EXOG: variants seen among roughly 807,000 people sequenced by gnomAD.
EXOG encodes nuclease EXOG, mitochondrial.
EXOG carries 27 observed loss-of-function variants against 25.8 expected under a neutral mutation model. The observed-to-expected ratio is 1.05, with a 90% CI of 0.77 to 1.45. EXOG has a LOEUF of 1.45. Among genes scored for constraint, EXOG ranks in the 40% most tolerant of loss-of-function variants. The pLI is 0.00. For missense variants in EXOG, 458 were observed against 450.5 expected (o/e 1.02, Z -0.15); for synonymous variants, 133 against 167.0 (o/e 0.80, Z 1.57).
At chr3:38,496,791 C>T (rs1217678863) in intron 1 of EXOG, 3 of 1,459,618 alleles carry the variant, frequency 2.1e-6, no homozygotes, top group African/African-American at 2.8e-5. Flanking sequence ...CTTTCTTCCC[C>T]CCAGTTACTC....
chr3:38,508,456 C>T (rs2125772114), intron 5 of EXOG, among the ~76,000 whole-genome samples: 1 of 152,094 alleles, frequency 6.6e-6, no homozygotes. Context: ...GAGGATTCTT[C>T]CAAGAGGGTG....
intron 1 of EXOG, chr3:38,496,912 G>A: frequency 8.7e-7 from 1 of 1,155,662 alleles, no homozygotes; most frequent in Middle Eastern, 2.3e-4. Context: ...ACAGTACCTG[G>A]TACATAATTG....
chr3:38,506,486 G>C (rs554295136), intron 4 of EXOG, among the ~76,000 whole-genome samples: 1 of 152,280 alleles, frequency 6.6e-6, no homozygotes, highest in African/African-American at 2.4e-5. Flanking sequence ...CAATTGTCCT[G>C]CAAGAGGAAT....
At chr3:38,501,801 A>G (rs1184475446) in intron 3 of EXOG, among the ~76,000 whole-genome samples, 1 of 152,222 alleles carries the variant, frequency 6.6e-6, no homozygotes, top group African/African-American at 2.4e-5. Flanking sequence ...GTCGGAGCAC[A>G]GTGGCTTGAT....
At chr3:38,521,871 T>C (rs2060725985) in intron 5 of EXOG, among the ~76,000 whole-genome samples, 1 of 152,146 alleles carries the variant, frequency 6.6e-6, no homozygotes, top group African/African-American at 2.4e-5. Context: ...TATTCTTTTC[T>C]GTATTTCCAG....
Position 38,526,249 on chromosome 3 carries a change from G to A in EXOG, c.*1887G>A, listed in dbSNP as rs2060866786. The A allele has an allele frequency of 1.0e-6, 1 of 984,746 alleles. No homozygotes were observed. Among genetic ancestry groups the A allele is most frequent in the Admixed American group, 6.1e-5 (1 of 16,262 alleles). 61.0% of individuals were successfully genotyped at this position (984,746 alleles called of 1,614,324 possible). ...GTATTACAAGAAAGATTTTTGTGGT[G>A]TGTTTGTTCTAAGAGAAATGCCAAG... On this transcript the variant is annotated 3_prime_UTR_variant, in exon 6 of 6. Coordinates refer to ENST00000287675, the MANE Select transcript of EXOG (RefSeq NM_005107.4).
At chr3:38,496,999 T>C (rs1345921177) in intron 1 of EXOG, 6 of 1,051,970 alleles carry the variant, frequency 5.7e-6, no homozygotes, top group Non-Finnish European at 6.9e-6. Flanking sequence ...TCTTTCGTCA[T>C]TGTTCAGTTG....
At chr3:38,500,648 T>C (rs2060018540) in intron 2 of EXOG, among the ~76,000 whole-genome samples, 1 of 152,238 alleles carries the variant, frequency 6.6e-6, no homozygotes, top group East Asian at 1.9e-4. Flanking sequence ...TCATAACTTT[T>C]GTAGTTTAAG....
chr3:38,517,740 G>A (rs934695078), intron 5 of EXOG, among the ~76,000 whole-genome samples: 1 of 152,200 alleles, frequency 6.6e-6, no homozygotes, highest in African/African-American at 2.4e-5. Context: ...CATTAGGAAA[G>A]CAGTTCACTG....
Position 38,512,292 on chromosome 3 carries a change from T to G in EXOG, c.645+5324T>G, listed in dbSNP as rs571175722. ...GCATAATGATAAAAATGCTAAATCT[T>G]AAAACATGATTGTGGAAATATATGA... On this transcript the variant is annotated intron_variant, in intron 5 of 5. Coordinates refer to ENST00000287675, the MANE Select transcript of EXOG (RefSeq NM_005107.4). Among the ~76,000 whole-genome samples the G allele has an allele frequency of 1.2e-4, 18 of 152,322 alleles. No homozygotes were observed. The South Asian group carries it at 3.7e-3, about 32-fold the overall frequency.
At chr3:38,520,768 T>C (rs1157081678) in intron 5 of EXOG, among the ~76,000 whole-genome samples, 1 of 152,210 alleles carries the variant, frequency 6.6e-6, no homozygotes, top group Admixed American at 6.5e-5. Flanking sequence ...AGAGAGGCAT[T>C]TATAAAATAC....
Position 38,499,056 on chromosome 3 carries a change from G to A in EXOG, c.313+1278G>A, listed in dbSNP as rs11711091. The A allele has an allele frequency of 6.6e-3, 2,910 of 442,152 alleles. 18 individuals are homozygous for A. The highest frequency in any genetic ancestry group is 8.7e-3 in the Non-Finnish European group (1,905 of 219,384). The allele number at this position is 442,152 out of a possible 1,614,324, so 27.4% of individuals were successfully genotyped here. A position where few individuals can be genotyped will look rare whatever the true frequency, so the allele number is the denominator to read the frequency against. On this transcript the variant is annotated intron_variant, in intron 2 of 5. Coordinates refer to ENST00000287675, the MANE Select transcript of EXOG (RefSeq NM_005107.4). The stretch of plus-strand genomic sequence containing the variant: ...TTGTGTTTATTGATTATCAATGAGG[G>A]TTAACATGCTGTGAATTAGTCTTTT...
rs1461962834 is a variant in EXOG at position 38,525,426 on chromosome 3, A to T, written c.*1064A>T. On this transcript the variant is annotated 3_prime_UTR_variant, in exon 6 of 6. Coordinates refer to ENST00000287675, the MANE Select transcript of EXOG (RefSeq NM_005107.4). ...AGAAGAGTCTGGTTTCTCGTCTGCT[A>T]TGCAAGCCAAAGGGACTTTAATGTT... 1 of 985,284 alleles carries T rather than the reference A, an allele frequency of 1.0e-6. No homozygotes were observed. The highest frequency in any genetic ancestry group is 1.7e-5 in the African/African-American group (1 of 57,246). 61.0% of individuals were successfully genotyped at this position (985,284 alleles called of 1,614,324 possible).
In EXOG at chr3:38,506,979, T is replaced by C. The variant is rs778293111; in HGVS notation, c.645+11T>C. 25 of 1,117,650 alleles carry C rather than the reference T, an allele frequency of 2.2e-5. No individual in the cohort carries two copies. In the East Asian group the frequency reaches 5.9e-4, roughly 26 times the overall value. 69.2% of individuals were successfully genotyped at this position (1,117,650 alleles called of 1,614,324 possible). On this transcript the variant is annotated intron_variant, in intron 5 of 5. Coordinates refer to ENST00000287675, the MANE Select transcript of EXOG (RefSeq NM_005107.4). Reference sequence around the variant, plus strand: ...ATAGTTAGTTACCAGGTAAGGATGTTTAATAGTCAGGTTTATGTTATCTGT... The same window carrying C: ...ATAGTTAGTTACCAGGTAAGGATGTCTAATAGTCAGGTTTATGTTATCTGT...
Position 38,524,304 on chromosome 3 carries a change from A to G in EXOG, c.1049A>G (p.Lys350Arg). 6.2e-7 allele frequency: 1 copy of G among 1,612,976 alleles called. No individual in the cohort carries two copies. Among genetic ancestry groups the G allele is most frequent in the Non-Finnish European group, 8.5e-7 (1 of 1,179,780 alleles). Reference sequence around the variant, plus strand: ...TACTTTATGAGTCGCTATGAGAAGAAGCTAGAAGAACTCAAAGCTAAGGAG... The same window carrying G: ...TACTTTATGAGTCGCTATGAGAAGAGGCTAGAAGAACTCAAAGCTAAGGAG... ...DDYFMSRYEK[K>R]LEELKAKEQS... The change falls in exon 6 of 6, where the codon AAG becomes AGG. Residue 350 changes from lysine (K) to arginine (R), a missense_variant. Physicochemically the swap from Lys to Arg is conservative, Grantham distance 26. Around this residue, in one of 3 missense-constraint regions of EXOG, gnomAD observed 178 missense variants for 203.7 expected, o/e 0.87. Transcript: ENST00000287675.
chr3:38,516,035 T>A (rs1046671900), intron 5 of EXOG, among the ~76,000 whole-genome samples: 29 of 152,192 alleles, frequency 1.9e-4, no homozygotes, highest in African/African-American at 6.5e-4. Context: ...CTTTGGCTTT[T>A]TCCTGTATAT....
intron 5 of EXOG, among the ~76,000 whole-genome samples, chr3:38,512,503 A>G (rs928535409): frequency 5.9e-5 from 9 of 152,158 alleles, no homozygotes; most frequent in Admixed American, 1.3e-4. Flanking sequence ...TCTCTATAAA[A>G]TTATGAAATT....
chr3:38,519,899 C>A (rs545693505), intron 5 of EXOG, among the ~76,000 whole-genome samples: 2 of 152,212 alleles, frequency 1.3e-5, no homozygotes, highest in East Asian at 1.9e-4. Flanking sequence ...TCCTTCCCCC[C>A]CTCAGGTTCG....
Position 38,496,423 on chromosome 3 carries a change from G to A in EXOG, c.56G>A (p.Gly19Asp). The change falls in exon 1 of 6, where the codon GGC becomes GAC. Residue 19 changes from glycine to aspartate, a missense_variant. Around this residue, in one of 3 missense-constraint regions of EXOG, gnomAD observed 275 missense variants for 230.5 expected, o/e 1.19. Transcript: ENST00000287675. ...CGGGGTTCCCGTCGTTTTCTGAGCG[G>A]CTTCGTGGCTGGGGCTGTAGTGGGC... is the stretch of plus-strand genomic sequence containing the variant. ...RLRGSRRFLS[G>D]FVAGAVVGAA... 1.9e-6 allele frequency: 3 copies of A among 1,614,112 alleles called. No homozygotes were observed. Among genetic ancestry groups the A allele is most frequent in the Non-Finnish European group, 2.5e-6 (3 of 1,179,982 alleles).
Sources: gnomAD v4.1 joint callset for allele counts (sites outside exome capture counted in the v4.1 genomes callset) on GRCh38, gnomAD v4.1.1 for gene constraint, gnomAD v4.1.1 regional missense constraint, MANE v1.5 for transcripts, NCBI Gene and HGNC (gene_info 2026-07-23, HGNC 2026-07-21) for gene names.